The following ANO2 variants were observed in gnomAD, a reference collection of about 807,000 sequenced individuals.
ANO2 encodes the protein anoctamin 2, also known as anoctamin-2.
A neutral mutation model predicts 124.2 loss-of-function variants in ANO2; 101 were observed. That is an observed-to-expected ratio of 0.81 (90% CI 0.69 to 0.96). The LOEUF is 0.96. Among genes scored for constraint, ANO2 ranks in the 40% least tolerant of loss-of-function variants. ANO2 has a pLI of 0.00. For missense variants in ANO2, 1,293 were observed against 1,274.5 expected, an observed-to-expected ratio of 1.01 and a Z score of -0.22; for synonymous variants, 486 against 482.5, an observed-to-expected ratio of 1.01 and a Z score of -0.09.
At chr12:5,781,135 C>T (rs1338042870) in intron 10 of ANO2, among the ~76,000 whole-genome samples, 2 of 152,176 alleles carry the variant, frequency 1.3e-5, no homozygotes, top group South Asian at 2.1e-4. Context: ...AGCATTGCTG[C>T]CCTCATATCA....
chr12:5,595,504 T>C (rs1164130102), intron 20 of ANO2, among the ~76,000 whole-genome samples: 3 of 152,088 alleles, frequency 2.0e-5, no homozygotes, highest in Non-Finnish European at 2.9e-5. Context: ...TTTATAAGCA[T>C]GAGCCACTGC....
intron 4 of ANO2, among the ~76,000 whole-genome samples, chr12:5,848,544 C>T (rs1954760627): frequency 6.6e-6 from 1 of 152,204 alleles, no homozygotes; most frequent in Non-Finnish European, 1.5e-5. Context: ...TGCTGTCTCT[C>T]CCTTAAAATG....
intron 4 of ANO2, among the ~76,000 whole-genome samples, chr12:5,845,013 T>C (rs1954638568): frequency 6.6e-6 from 1 of 151,722 alleles, no homozygotes; most frequent in Non-Finnish European, 1.5e-5. Flanking sequence ...ACCTCACAGC[T>C]GTAATCCCAG....
At chr12:5,798,095 G>T (rs1952924717) in intron 10 of ANO2, among the ~76,000 whole-genome samples, 1 of 152,126 alleles carries the variant, frequency 6.6e-6, no homozygotes, top group Non-Finnish European at 1.5e-5. Flanking sequence ...TGAGTAGTTG[G>T]AGAAAACAGG....
chr12:5,655,376 C>T (rs765991809), intron 14 of ANO2, among the ~76,000 whole-genome samples: 5 of 152,278 alleles, frequency 3.3e-5, no homozygotes, highest in Admixed American at 6.5e-5. Context: ...AAAAATCACC[C>T]GCAGGACTTG....
At chr12:5,718,971 CTCT>C (rs1387715340) in intron 14 of ANO2, among the ~76,000 whole-genome samples, 1 of 152,224 alleles carries the variant, frequency 6.6e-6, no homozygotes, top group African/African-American at 2.4e-5. Flanking sequence ...CTGATGCTGT[CTCT>C]GGGTTGCTTG....
At chr12:5,577,086 C>T (rs1490650976) in intron 22 of ANO2, among the ~76,000 whole-genome samples, 2 of 152,238 alleles carry the variant, frequency 1.3e-5, no homozygotes, top group African/African-American at 4.8e-5. Context: ...TTCTAACAGA[C>T]ACAACTTCAA....
At chr12:5,660,117 A>T (rs754720530) in intron 14 of ANO2, among the ~76,000 whole-genome samples, 1 of 151,908 alleles carries the variant, frequency 6.6e-6, no homozygotes, top group Non-Finnish European at 1.5e-5. Flanking sequence ...CGACTTTACA[A>T]CAGGTTTATC....
intron 14 of ANO2, among the ~76,000 whole-genome samples, chr12:5,675,383 G>A (rs765835534): frequency 6.6e-6 from 1 of 152,194 alleles, no homozygotes; most frequent in Non-Finnish European, 1.5e-5. Context: ...TCTGGGGGCA[G>A]AGACCACTTC....
At chr12:5,852,754 A>G (rs1954950552) in intron 4 of ANO2, among the ~76,000 whole-genome samples, 1 of 152,076 alleles carries the variant, frequency 6.6e-6, no homozygotes, top group African/African-American at 2.4e-5. Flanking sequence ...TTCTGTTCAC[A>G]GTGGGCAGCA....
intron 14 of ANO2, among the ~76,000 whole-genome samples, chr12:5,669,564 AAT>A (rs1947890271): frequency 6.6e-6 from 1 of 152,210 alleles, no homozygotes; most frequent in Non-Finnish European, 1.5e-5. Flanking sequence ...CAGAACTTCC[AAT>A]ACTATGTTGA....
chr12:5,653,935 A>G (rs1947040819), intron 14 of ANO2, among the ~76,000 whole-genome samples: 1 of 152,250 alleles, frequency 6.6e-6, no homozygotes, highest in Non-Finnish European at 1.5e-5. Flanking sequence ...GCATGGAGAT[A>G]CCATAACACA....
chr12:5,802,536 A>T (rs1316529213), intron 9 of ANO2, among the ~76,000 whole-genome samples: 1 of 152,208 alleles, frequency 6.6e-6, no homozygotes, highest in Non-Finnish European at 1.5e-5. Flanking sequence ...TTAGTCACAC[A>T]TAGTTAAGAG....
At chr12:5,734,749 G>A (rs893072215) in intron 13 of ANO2, among the ~76,000 whole-genome samples, 1 of 151,840 alleles carries the variant, frequency 6.6e-6, no homozygotes, top group Non-Finnish European at 1.5e-5. Flanking sequence ...CCAGGCTCAA[G>A]CAATTCTCCT....
At chr12:5,861,912 C>G (rs1397264445) in intron 3 of ANO2, among the ~76,000 whole-genome samples, 1 of 152,094 alleles carries the variant, frequency 6.6e-6, no homozygotes, top group Non-Finnish European at 1.5e-5. Context: ...TGAGGTGTAG[C>G]CTTGAGACAG....
intron 4 of ANO2, among the ~76,000 whole-genome samples, chr12:5,851,561 T>C (rs932806297): frequency 2.6e-5 from 4 of 151,920 alleles, no homozygotes; most frequent in Non-Finnish European, 4.4e-5. Context: ...GATGAGCACC[T>C]GTAATCCCAG....
chr12:5,712,896 T>A (rs1439922672), intron 14 of ANO2, among the ~76,000 whole-genome samples: 1 of 152,106 alleles, frequency 6.6e-6, no homozygotes, highest in Non-Finnish European at 1.5e-5. Flanking sequence ...GAGGCTCATG[T>A]CAGGGAGTGG....
intron 16 of ANO2, among the ~76,000 whole-genome samples, chr12:5,628,274 C>T (rs1945516484): frequency 6.6e-6 from 1 of 152,216 alleles, no homozygotes; most frequent in South Asian, 2.1e-4. Flanking sequence ...TCCTCCCTGC[C>T]TGGGTCATCT....
intron 16 of ANO2, among the ~76,000 whole-genome samples, chr12:5,634,516 T>C (rs1945901779): frequency 6.6e-6 from 1 of 152,134 alleles, no homozygotes; most frequent in Non-Finnish European, 1.5e-5. Flanking sequence ...CCCCACCCAA[T>C]AAGCATGAAT....
Sources: gnomAD v4.1 joint callset for allele counts (sites outside exome capture counted in the v4.1 genomes callset) on GRCh38, gnomAD v4.1.1 for gene constraint, MANE v1.5 for transcripts, NCBI Gene and HGNC (gene_info 2026-07-23, HGNC 2026-07-21) for gene names.